The following FAM171A1 variants were observed in gnomAD, a reference collection of about 807,000 sequenced individuals.
FAM171A1 encodes family with sequence similarity 171 member A1.
In FAM171A1, 23 loss-of-function variants were observed where a neutral mutation model predicts 74.9. That is an observed-to-expected ratio of 0.31 (90% confidence interval 0.22 to 0.44). The LOEUF is 0.44. Ranked by LOEUF, FAM171A1 falls within the 20% of genes least tolerant of loss-of-function variation. The probability of loss-of-function intolerance (pLI) is 1.00; values close to 1 mark genes in which losing one functional copy is unlikely to be tolerated. For synonymous variants in FAM171A1, 527 were observed against 505.7 expected (o/e 1.04, Z -0.57); for missense variants, 1,162 against 1,159.2 (o/e 1.00, Z -0.03).
In FAM171A1 at chr10:15,322,539, T is replaced by G. The variant is rs368469832; in HGVS notation, c.98-38434A>C. On this transcript the variant is annotated intron_variant, in intron 1 of 7. Transcript: ENST00000378116. ...AAGGTACCCCCAAAAGGACACTGCA[T>G]GCATTCAGCTGCACTGATCTCCAGC... Among the ~76,000 whole-genome samples the G allele has an allele frequency of 2.6e-4, 39 of 152,316 alleles. 1 individual carries two copies. Among genetic ancestry groups the G allele is most frequent in the African/African-American group, 8.9e-4 (37 of 41,576 alleles).
In FAM171A1 at chr10:15,269,978, G is replaced by A. The variant is rs540655806; in HGVS notation, c.418+5877C>T. On this transcript the variant is annotated intron_variant, in intron 3 of 7. Transcript: ENST00000378116. ...CCAGTCTACAGCTCCCAAGGTGAGCGATGCAGAAGACGGGTGATTTCTGCA... is the reference window on the plus strand; with the variant it reads ...CCAGTCTACAGCTCCCAAGGTGAGCAATGCAGAAGACGGGTGATTTCTGCA... Among the ~76,000 whole-genome samples, 6 of 152,332 alleles carry A rather than the reference G, an allele frequency of 3.9e-5. No homozygotes were observed. In the East Asian group the frequency reaches 5.8e-4, roughly 15 times the overall value.
intron 1 of FAM171A1, among the ~76,000 whole-genome samples, chr10:15,362,199 C>T (rs1471660437): frequency 4.6e-5 from 7 of 152,198 alleles, no homozygotes; most frequent in Non-Finnish European, 8.8e-5. Context: ...ATTCTTCCAT[C>T]GTTATTATTC....
chr10:15,293,486 G>A (rs1336368622), intron 1 of FAM171A1, among the ~76,000 whole-genome samples: 4 of 152,008 alleles, frequency 2.6e-5, no homozygotes, highest in East Asian at 1.9e-4. Context: ...ACGGTTTTGC[G>A]GGGAGGAAAG....
intron 1 of FAM171A1, among the ~76,000 whole-genome samples, chr10:15,342,290 C>T (rs1459839993): frequency 6.6e-6 from 1 of 152,164 alleles, no homozygotes; most frequent in East Asian, 1.9e-4. Context: ...GTGTTGCTGG[C>T]CAGGTGTGGT....
chr10:15,317,040 T>C, intron 1 of FAM171A1, among the ~76,000 whole-genome samples: 1 of 148,774 alleles, frequency 6.7e-6, no homozygotes. Context: ...ACAGATCTCC[T>C]CTGGGAGAAA....
chr10:15,373,381 T>G (rs1836171798), upstream of FAM171A1, among the ~76,000 whole-genome samples: 1 of 152,244 alleles, frequency 6.6e-6, no homozygotes, highest in African/African-American at 2.4e-5. Context: ...TATCATTGTT[T>G]CCATTTCACA....
At chr10:15,294,005 G>A (rs1445764120) in intron 1 of FAM171A1, among the ~76,000 whole-genome samples, 1 of 152,168 alleles carries the variant, frequency 6.6e-6, no homozygotes, top group Non-Finnish European at 1.5e-5. Flanking sequence ...AATTTGATGT[G>A]GAAGTCAGCA....
At chr10:15,294,188 C>G (rs940065630) in intron 1 of FAM171A1, among the ~76,000 whole-genome samples, 1 of 152,194 alleles carries the variant, frequency 6.6e-6, no homozygotes, top group African/African-American at 2.4e-5. Context: ...TAATAAATGT[C>G]TTTTCTCATT....
At chr10:15,369,259 T>C (rs1836104832) in intron 1 of FAM171A1, among the ~76,000 whole-genome samples, 1 of 143,806 alleles carries the variant, frequency 7.0e-6, no homozygotes, top group African/African-American at 2.8e-5. Flanking sequence ...CTTTCTCTAA[T>C]TCAGAAGTGC....
At chr10:15,328,524 G>A (rs1835586309) in intron 1 of FAM171A1, among the ~76,000 whole-genome samples, 1 of 152,180 alleles carries the variant, frequency 6.6e-6, no homozygotes, top group African/African-American at 2.4e-5. Context: ...AGAGCGACGC[G>A]GATACCTGGA....
At chr10:15,339,392 A>C (rs986325210) in intron 1 of FAM171A1, among the ~76,000 whole-genome samples, 1 of 152,136 alleles carries the variant, frequency 6.6e-6, no homozygotes, top group Admixed American at 6.6e-5. Context: ...ACAGCGCCTT[A>C]GCTCCTCTTG....
intron 1 of FAM171A1, among the ~76,000 whole-genome samples, chr10:15,294,038 T>G (rs955943790): frequency 2.0e-5 from 3 of 152,186 alleles, no homozygotes; most frequent in African/African-American, 7.2e-5. Context: ...AGGGCCTTTT[T>G]CTGGCCAAAG....
Position 15,325,551 on chromosome 10 carries a change from T to C in FAM171A1, c.98-41446A>G, listed in dbSNP as rs868821310. 5.3e-4 allele frequency among the ~76,000 whole-genome samples: 80 copies of C among 152,262 alleles called. No individual in the cohort carries two copies. The Middle Eastern group carries it at 0.01, about 19-fold the overall frequency. On this transcript the variant is annotated intron_variant, in intron 1 of 7. Transcript: ENST00000378116. Reference sequence around the variant, plus strand: ...AACTCCATCTTTTCTTTGCTTCTTTTCCAGGCCTTTCTGTGGACCCCAGAT... The same window carrying C: ...AACTCCATCTTTTCTTTGCTTCTTTCCCAGGCCTTTCTGTGGACCCCAGAT...
intron 5 of FAM171A1, among the ~76,000 whole-genome samples, chr10:15,244,001 T>C (rs912207141): frequency 9.2e-5 from 14 of 152,272 alleles, no homozygotes; most frequent in African/African-American, 2.2e-4. Flanking sequence ...CTGCCCACCT[T>C]GGCCTCCCAA....
intron 1 of FAM171A1, among the ~76,000 whole-genome samples, chr10:15,335,784 C>T (rs1004310541): frequency 1.3e-5 from 2 of 152,064 alleles, no homozygotes; most frequent in African/African-American, 4.8e-5. Context: ...ATCTTTGTTT[C>T]CATGAAAATG....
At chr10:15,371,761 G>C (rs45607632), upstream of FAM171A1, among the ~76,000 whole-genome samples, 2,446 of 152,310 alleles carry the variant, frequency 0.016, 19 homozygotes, top group Non-Finnish European at 0.027. Context: ...CACATCTTTT[G>C]AGGCCCTAGG....
At chr10:15,291,142 G>A (rs546863974) in intron 1 of FAM171A1, among the ~76,000 whole-genome samples, 9 of 152,270 alleles carry the variant, frequency 5.9e-5, no homozygotes, top group African/African-American at 2.2e-4. Flanking sequence ...GAGCCACCAC[G>A]TCCGGCCATA....
At chr10:15,243,857 T>C (rs1211962623) in intron 5 of FAM171A1, among the ~76,000 whole-genome samples, 1 of 152,074 alleles carries the variant, frequency 6.6e-6, no homozygotes, top group Non-Finnish European at 1.5e-5. Flanking sequence ...CTTACGCCAT[T>C]CTCCTGTCTC....
At chr10:15,323,377 C>T (rs34822222) in intron 1 of FAM171A1, among the ~76,000 whole-genome samples, 61,824 of 151,860 alleles carry the variant, frequency 0.41, 13,305 homozygotes, top group East Asian at 0.78. Flanking sequence ...TGCTTGAACC[C>T]GGGAGGCAGG....
Sources: gnomAD v4.1 joint callset for allele counts (sites outside exome capture counted in the v4.1 genomes callset) on GRCh38, gnomAD v4.1.1 for gene constraint, MANE v1.5 for transcripts, NCBI Gene and HGNC (gene_info 2026-07-23, HGNC 2026-07-21) for gene names.